The following LINGO2 variants were observed in gnomAD, a reference collection of about 807,000 sequenced individuals.
The protein encoded by LINGO2 is leucine-rich repeat and immunoglobulin-like domain-containing nogo receptor-interacting protein 2.
LINGO2 carries 14 observed loss-of-function variants against 30.6 expected under a neutral mutation model. The ratio of observed to expected loss-of-function variants is 0.46; its 90% CI spans 0.30 to 0.72. The LOEUF (loss-of-function observed/expected upper bound fraction) is 0.72. LINGO2 is among the 30% of genes least tolerant of loss of function. The pLI is 0.07. For missense variants in LINGO2, 729 were observed against 751.7 expected (o/e 0.97, Z 0.35); for synonymous variants, 317 against 288.5 (o/e 1.10, Z -1.00).
chr9:28,995,637 C>T, the LINGO2 span, among the ~76,000 whole-genome samples: 5 of 152,170 alleles, frequency 3.3e-5, no homozygotes, highest in East Asian at 3.9e-4. Flanking sequence ...CCAACAATGA[C>T]AGACTGGATT....
At chr9:28,636,204 T>A (rs1827262453) in intron 1 of LINGO2, among the ~76,000 whole-genome samples, 1 of 152,246 alleles carries the variant, frequency 6.6e-6, no homozygotes, top group South Asian at 2.1e-4. Flanking sequence ...ATGCCACATT[T>A]TCTTAATCCA....
the LINGO2 span, among the ~76,000 whole-genome samples, chr9:29,119,892 C>T: frequency 6.6e-6 from 1 of 152,158 alleles, no homozygotes; most frequent in Non-Finnish European, 1.5e-5. Flanking sequence ...TTGTTTTCAA[C>T]CATAATAACT....
intron 4 of LINGO2, among the ~76,000 whole-genome samples, chr9:28,207,250 A>G (rs1420537000): frequency 1.3e-5 from 2 of 152,172 alleles, no homozygotes; most frequent in Non-Finnish European, 2.9e-5. Flanking sequence ...CAAAGAAAGT[A>G]CATTTTCCAA....
At chr9:28,675,839 C>A in the LINGO2 span, among the ~76,000 whole-genome samples, 1 of 148,336 alleles carries the variant, frequency 6.7e-6, no homozygotes, top group Non-Finnish European at 1.5e-5. Context: ...CCACTGCACT[C>A]CAGCCTGGGT....
the LINGO2 span, among the ~76,000 whole-genome samples, chr9:28,718,006 C>A: frequency 6.6e-6 from 1 of 151,816 alleles, no homozygotes; most frequent in Non-Finnish European, 1.5e-5. Flanking sequence ...TGTCCCCAAG[C>A]AACATAGATT....
the LINGO2 span, among the ~76,000 whole-genome samples, chr9:28,854,379 T>C: frequency 6.6e-6 from 1 of 151,956 alleles, no homozygotes; most frequent in Non-Finnish European, 1.5e-5. Context: ...TAGACAAATA[T>C]AAGATAATAT....
At chr9:28,791,165 T>C in the LINGO2 span, among the ~76,000 whole-genome samples, 30 of 152,258 alleles carry the variant, frequency 2.0e-4, no homozygotes, top group East Asian at 4.2e-3. Context: ...CAGGAAAGTA[T>C]AGAGAAAGTG....
chr9:28,292,836 T>A (rs1193239407), intron 4 of LINGO2, among the ~76,000 whole-genome samples: 2 of 151,902 alleles, frequency 1.3e-5, no homozygotes, highest in Non-Finnish European at 2.9e-5. Flanking sequence ...AGTGACACGA[T>A]CTCGGTTCAC....
chr9:28,641,873 T>G (rs1251343343), intron 1 of LINGO2, among the ~76,000 whole-genome samples: 1 of 152,148 alleles, frequency 6.6e-6, no homozygotes, highest in Non-Finnish European at 1.5e-5. Flanking sequence ...TAAATAACCA[T>G]GTGTCCTGGA....
chr9:28,016,990 C>T (rs986636182), intron 4 of LINGO2, among the ~76,000 whole-genome samples: 1 of 152,130 alleles, frequency 6.6e-6, no homozygotes, highest in Non-Finnish European at 1.5e-5. Context: ...AGCTAATTCA[C>T]CACGATCAAG....
At chr9:28,259,073 G>A (rs1362016216) in intron 4 of LINGO2, among the ~76,000 whole-genome samples, 2 of 151,954 alleles carry the variant, frequency 1.3e-5, no homozygotes, top group African/African-American at 4.8e-5. Context: ...GTTTGCATGT[G>A]TGATGCATAG....
chr9:28,338,544 G>A (rs1318823042), intron 3 of LINGO2, among the ~76,000 whole-genome samples: 1 of 152,066 alleles, frequency 6.6e-6, no homozygotes, highest in African/African-American at 2.4e-5. Context: ...TGGTCTGGCT[G>A]TGTCTCCACC....
intron 4 of LINGO2, among the ~76,000 whole-genome samples, chr9:28,160,853 C>G (rs1263153804): frequency 6.6e-6 from 1 of 152,098 alleles, no homozygotes; most frequent in Non-Finnish European, 1.5e-5. Flanking sequence ...AATTTATTAG[C>G]TCCATATCTC....
At chr9:27,979,993 C>G (rs532296351) in intron 5 of LINGO2, among the ~76,000 whole-genome samples, 1 of 151,832 alleles carries the variant, frequency 6.6e-6, no homozygotes, top group Non-Finnish European at 1.5e-5. Context: ...GGTTGGATTC[C>G]GGTCCCATCC....
At chr9:28,306,987 T>A (rs1824390656) in intron 3 of LINGO2, among the ~76,000 whole-genome samples, 1 of 152,094 alleles carries the variant, frequency 6.6e-6, no homozygotes, top group Admixed American at 6.6e-5. Context: ...CACAGCCGAA[T>A]TCTACCAGAG....
At chr9:28,227,209 A>G (rs903987305) in intron 4 of LINGO2, among the ~76,000 whole-genome samples, 2 of 152,208 alleles carry the variant, frequency 1.3e-5, no homozygotes, top group Admixed American at 6.5e-5. Flanking sequence ...ATCCAATAGG[A>G]GCTGGCAGAA....
At chr9:28,925,410 G>A in the LINGO2 span, among the ~76,000 whole-genome samples, 1 of 152,164 alleles carries the variant, frequency 6.6e-6, no homozygotes, top group Non-Finnish European at 1.5e-5. Flanking sequence ...CACACAGTCA[G>A]TCTAATATGT....
the LINGO2 span, among the ~76,000 whole-genome samples, chr9:28,992,822 C>T: frequency 9.9e-3 from 1,499 of 151,962 alleles, 16 homozygotes; most frequent in Non-Finnish European, 0.014. Flanking sequence ...CCAACGAGAA[C>T]GAAGACACAA....
At chr9:28,255,364 T>C (rs1490096094) in intron 4 of LINGO2, among the ~76,000 whole-genome samples, 1 of 152,210 alleles carries the variant, frequency 6.6e-6, no homozygotes, top group East Asian at 1.9e-4. Context: ...CTTATCCTCC[T>C]GTAGAGAAAT....
Sources: allele counts gnomAD v4.1 joint callset (sites outside exome capture counted in the v4.1 genomes callset), GRCh38; gene constraint gnomAD v4.1.1; transcripts MANE v1.5; gene names NCBI Gene and HGNC (gene_info 2026-07-23, HGNC 2026-07-21).